The following ASTN1 variants were observed in gnomAD, a reference collection of about 807,000 sequenced individuals.
ASTN1 encodes astrotactin-1.
In ASTN1, 41 loss-of-function variants were observed where a neutral mutation model predicts 140.7. That is an observed-to-expected ratio of 0.29 (90% CI 0.23 to 0.38). The LOEUF is 0.38. Ranked by LOEUF, ASTN1 falls within the 10% of genes least tolerant of loss-of-function variation. ASTN1 has a pLI of 1.00. For missense variants in ASTN1, 1,479 were observed against 1,678.8 expected (o/e 0.88, Z 2.08); for synonymous variants, 640 against 652.2 (o/e 0.98, Z 0.29).
At chr1:177,093,135 A>C (rs1436700346) in intron 1 of ASTN1, among the ~76,000 whole-genome samples, 2 of 152,232 alleles carry the variant, frequency 1.3e-5, no homozygotes, top group Non-Finnish European at 2.9e-5. Context: ...AAAGCTCTGA[A>C]TATATATTTG....
intron 5 of ASTN1, among the ~76,000 whole-genome samples, chr1:177,026,560 T>C (rs546978824): frequency 6.6e-6 from 1 of 152,310 alleles, no homozygotes; most frequent in Admixed American, 6.5e-5. Flanking sequence ...GGCAGCTGTA[T>C]TTTTAGTCTT....
intron 21 of ASTN1, among the ~76,000 whole-genome samples, chr1:176,873,609 T>C (rs10913267): frequency 6.6e-6 from 1 of 152,066 alleles, no homozygotes; most frequent in African/African-American, 2.4e-5. Context: ...CATCTGGGTG[T>C]GAGGAAGACA....
Position 176,876,428 on chromosome 1 carries a change from T to G in ASTN1, c.3463+109A>C. The stretch of plus-strand genomic sequence containing the variant: ...TGGGCCTTGAATTCTCCTTCCCTGC[T>G]GAACTCCAGGTTGTTCTATTCAACT... On this transcript the variant is annotated intron_variant, in intron 21 of 22. Transcript: ENST00000361833. 2.6e-6 allele frequency: 3 copies of G among 1,155,368 alleles called. No individual in the cohort carries two copies. In the South Asian group the frequency reaches 4.2e-5, roughly 16 times the overall value. 71.6% of individuals were successfully genotyped at this position (1,155,368 alleles called of 1,614,324 possible).
At chr1:176,860,869 G>T (rs1353924378), downstream of ASTN1, among the ~76,000 whole-genome samples, 1 of 152,160 alleles carries the variant, frequency 6.6e-6, no homozygotes, top group African/African-American at 2.4e-5. Flanking sequence ...GAGAAGATGG[G>T]ACTCACTACT....
In ASTN1 at chr1:177,032,495, G is replaced by A. The variant is rs1676490490; in HGVS notation, c.826C>T (p.Gln276Ter). The change falls in exon 3 of 23, where the codon CAG becomes TAG. Residue 276 changes from glutamine to a stop codon, truncating the protein, a stop_gained. Coordinates refer to ENST00000361833, the MANE Select transcript of ASTN1 (RefSeq NM_004319.3). LOFTEE classifies it high-confidence loss of function. Reference sequence around the variant, plus strand: ...ATCCCCGACTTTTCATTGCAGCCCTGCAGGGAGTCGAGGGTGCGCGTGACC... The same window carrying A: ...ATCCCCGACTTTTCATTGCAGCCCTACAGGGAGTCGAGGGTGCGCGTGACC... ...SQVTRTLDSL[Q>*]GCNEKSGMDL... 1.2e-6 allele frequency: 2 copies of A among 1,614,096 alleles called. No individual in the cohort carries two copies. The highest frequency in any genetic ancestry group is 8.5e-7 in the Non-Finnish European group (1 of 1,180,012).
At chr1:177,012,170 TCAGA>T (rs574941003) in intron 8 of ASTN1, among the ~76,000 whole-genome samples, 153 of 152,360 alleles carry the variant, frequency 1.0e-3, no homozygotes, top group African/African-American at 3.5e-3. Context: ...TGGCAATCTG[TCAGA>T]CAGTTTTCAA....
intron 14 of ASTN1, among the ~76,000 whole-genome samples, chr1:176,942,820 G>GTATATATATATATATATA (rs148722284): frequency 7.9e-5 from 2 of 25,320 alleles, no homozygotes; most frequent in Non-Finnish European, 8.0e-5. Context: ...TTGTGTGTGT[G>GTATATATATATATATATA]TATATATATA....
At chr1:177,017,139 A>G (rs1675586520) in intron 7 of ASTN1, among the ~76,000 whole-genome samples, 1 of 152,242 alleles carries the variant, frequency 6.6e-6, no homozygotes, top group African/African-American at 2.4e-5. Context: ...TACCATTTGT[A>G]TAGCACATTT....
intron 11 of ASTN1, 143 bp from the exon 12 acceptor site, chr1:176,949,494 C>T (rs1170039876): frequency 2.1e-6 from 2 of 949,792 alleles, no homozygotes; most frequent in Non-Finnish European, 3.1e-6. Flanking sequence ...AATTTCCTAC[C>T]ACAGCAGACT....
At chr1:177,123,176 T>A (rs1039022694) in intron 1 of ASTN1, among the ~76,000 whole-genome samples, 1 of 152,184 alleles carries the variant, frequency 6.6e-6, no homozygotes, top group Non-Finnish European at 1.5e-5. Context: ...AACCAGTGCA[T>A]GCTGAGTAGA....
Position 176,863,447 on chromosome 1 carries a change from T to C in ASTN1, c.*837A>G, listed in dbSNP as rs1232902877. 3.0e-6 allele frequency: 3 copies of C among 985,364 alleles called. No homozygotes were observed. Among genetic ancestry groups the C allele is most frequent in the South Asian group, 4.7e-5 (1 of 21,278 alleles). 61.0% of individuals were successfully genotyped at this position (985,364 alleles called of 1,614,324 possible). On this transcript the variant is annotated 3_prime_UTR_variant, in exon 23 of 23. Coordinates refer to ENST00000361833, the MANE Select transcript of ASTN1 (RefSeq NM_004319.3). ...AGAAGTCTATCCAAAGGAAGCATGG[T>C]TTTTTTAAAAAACAATAAACTCCAA...
At chr1:177,074,363 A>T (rs1678788248) in intron 1 of ASTN1, among the ~76,000 whole-genome samples, 1 of 152,176 alleles carries the variant, frequency 6.6e-6, no homozygotes, top group African/African-American at 2.4e-5. Flanking sequence ...ATGCCCAACA[A>T]ATATAGTAAC....
At chr1:176,981,428 A>G (rs1164336228) in intron 8 of ASTN1, 1 of 152,066 alleles carries the variant, frequency 6.6e-6, no homozygotes, top group Non-Finnish European at 1.5e-5. Flanking sequence ...ATTTGGAAAT[A>G]GGGTCTTTGC....
intron 1 of ASTN1, among the ~76,000 whole-genome samples, chr1:177,073,950 T>A (rs1384859752): frequency 6.6e-6 from 1 of 151,942 alleles, no homozygotes. Flanking sequence ...TAACCTTTTT[T>A]AATTCCTGGT....
intron 5 of ASTN1, chr1:177,029,371 T>C: frequency 1.5e-6 from 1 of 672,686 alleles, no homozygotes; most frequent in Non-Finnish European, 2.9e-6. Context: ...TTGAGAGTCA[T>C]CTGACCAAGA....
At chr1:177,112,204 G>T (rs959171153) in intron 1 of ASTN1, among the ~76,000 whole-genome samples, 1 of 152,212 alleles carries the variant, frequency 6.6e-6, no homozygotes, top group East Asian at 1.9e-4. Flanking sequence ...GGGTCACTTA[G>T]GTGTTTGCAT....
At chr1:177,021,005 C>T (rs990260985) in intron 7 of ASTN1, among the ~76,000 whole-genome samples, 22 of 152,184 alleles carry the variant, frequency 1.4e-4, no homozygotes, top group Non-Finnish European at 2.6e-4. Flanking sequence ...TCAAAAATAA[C>T]GTCGACTTGA....
chr1:176,947,509 C>T (rs578014584), intron 12 of ASTN1, among the ~76,000 whole-genome samples: 9 of 152,290 alleles, frequency 5.9e-5, no homozygotes, highest in South Asian at 4.1e-4. Flanking sequence ...GCTAAACACA[C>T]GTGTGTCTGA....
chr1:176,871,755 T>C (rs1297322707), intron 21 of ASTN1, among the ~76,000 whole-genome samples: 1 of 152,240 alleles, frequency 6.6e-6, no homozygotes. Flanking sequence ...CTTCATAGCA[T>C]CTCAAGAATT....
Sources: allele counts gnomAD v4.1 joint callset (sites outside exome capture counted in the v4.1 genomes callset), GRCh38; gene constraint gnomAD v4.1.1; transcripts MANE v1.5; gene names NCBI Gene and HGNC (gene_info 2026-07-23, HGNC 2026-07-21).